Variants in MACROD2 observed in about 807,000 individuals in gnomAD.
The protein encoded by MACROD2 is mono-ADP ribosylhydrolase 2.
Under a neutral mutation model 70.4 loss-of-function variants are expected in MACROD2, and 36 were observed. The ratio of observed to expected loss-of-function variants is 0.51; its 90% CI spans 0.39 to 0.68. The LOEUF is 0.68. MACROD2 is among the 30% of genes least tolerant of loss of function. The pLI is 0.00. For missense variants in MACROD2, 496 were observed against 538.4 expected (o/e 0.92, Z 0.78); for synonymous variants, 172 against 178.8 (o/e 0.96, Z 0.30).
At chr20:15,988,756 G>A (rs181788365) in intron 15 of MACROD2, among the ~76,000 whole-genome samples, 1 of 152,234 alleles carries the variant, frequency 6.6e-6, no homozygotes, top group African/African-American at 2.4e-5. Context: ...ACTGTAAGAT[G>A]ACTAATGCTG....
At chr20:14,124,877 A>G (rs2054629033) in intron 3 of MACROD2, among the ~76,000 whole-genome samples, 2 of 152,188 alleles carry the variant, frequency 1.3e-5, no homozygotes, top group Non-Finnish European at 2.9e-5. Context: ...ATTTTTTGTC[A>G]TAGCCCAAAA....
At chr20:14,512,392 G>A (rs1272704418) in intron 4 of MACROD2, among the ~76,000 whole-genome samples, 2 of 152,084 alleles carry the variant, frequency 1.3e-5, no homozygotes, top group East Asian at 3.9e-4. Flanking sequence ...CCAAGGCTTG[G>A]GGGTGGAAGA....
intron 3 of MACROD2, among the ~76,000 whole-genome samples, chr20:14,162,333 C>T (rs1318774520): frequency 1.3e-5 from 2 of 152,162 alleles, no homozygotes; most frequent in Non-Finnish European, 2.9e-5. Flanking sequence ...ATGAGAAGAA[C>T]ATTTATTCTG....
At chr20:14,742,776 T>TTATTTTA (rs561034956) in intron 5 of MACROD2, among the ~76,000 whole-genome samples, 12 of 151,238 alleles carry the variant, frequency 7.9e-5, no homozygotes, top group Non-Finnish European at 2.9e-5. Flanking sequence ...TTATTTTATT[T>TTATTTTA]TTTTTTTTGA....
At chr20:15,389,918 G>A (rs963342423) in intron 6 of MACROD2, among the ~76,000 whole-genome samples, 5 of 152,040 alleles carry the variant, frequency 3.3e-5, no homozygotes, top group Admixed American at 2.6e-4. Context: ...GGTAAATAAT[G>A]GAAAAACAAT....
chr20:14,938,470 G>A lies in MACROD2; in HGVS notation c.418+253511G>A, dbSNP rs147610338. The stretch of plus-strand genomic sequence containing the variant: ...CATATTGAACATTTGAAAAGTGCTC[G>A]ATTGTGACCTTGAATAAAACCTAAA... On this transcript the variant is annotated intron_variant, in intron 5 of 17. Transcript: ENST00000684519. Among the ~76,000 whole-genome samples, 718 of 152,098 alleles carry A rather than the reference G, an allele frequency of 4.7e-3. 2 individuals carry two copies. Among genetic ancestry groups the A allele is most frequent in the Non-Finnish European group, 7.8e-3 (529 of 68,004 alleles).
intron 8 of MACROD2, among the ~76,000 whole-genome samples, chr20:15,638,550 T>TGGG (rs1405763561): frequency 6.6e-6 from 1 of 152,204 alleles, no homozygotes; most frequent in Non-Finnish European, 1.5e-5. Flanking sequence ...GCAGTGAACC[T>TGGG]CAGGACTGTG....
At chr20:14,225,832 T>G (rs141812598) in intron 3 of MACROD2, among the ~76,000 whole-genome samples, 142 of 152,324 alleles carry the variant, frequency 9.3e-4, no homozygotes, top group African/African-American at 3.3e-3. Context: ...TAGAATGTTT[T>G]TTCTAAAGAA....
chr20:14,160,819 A>G (rs1317410538), intron 3 of MACROD2, among the ~76,000 whole-genome samples: 1 of 151,600 alleles, frequency 6.6e-6, no homozygotes, highest in Non-Finnish European at 1.5e-5. Flanking sequence ...TATGTATTTG[A>G]AATCTTTATA....
intron 3 of MACROD2, among the ~76,000 whole-genome samples, chr20:14,410,035 G>A (rs999836922): frequency 6.6e-6 from 1 of 152,088 alleles, no homozygotes; most frequent in African/African-American, 2.4e-5. Flanking sequence ...CAGCTTGGAG[G>A]GAGAGAGGGA....
At chr20:14,694,224 A>G (rs2071095270) in intron 5 of MACROD2, among the ~76,000 whole-genome samples, 2 of 152,346 alleles carry the variant, frequency 1.3e-5, no homozygotes, top group Non-Finnish European at 1.5e-5. Context: ...CAGTTCTTAC[A>G]TATTTGTAAC....
chr20:14,454,728 TC>T (rs945449904), intron 3 of MACROD2, among the ~76,000 whole-genome samples: 27 of 151,516 alleles, frequency 1.8e-4, no homozygotes, highest in African/African-American at 6.5e-4. Flanking sequence ...TAATGGAGTT[TC>T]CTTTTTCTGT....
intron 8 of MACROD2, among the ~76,000 whole-genome samples, chr20:15,560,686 C>T (rs1366533976): frequency 8.8e-5 from 12 of 136,228 alleles, no homozygotes; most frequent in African/African-American, 3.3e-4. Flanking sequence ...TCACTTGAAT[C>T]TGGAAGGCAG....
At chr20:14,740,526 T>A (rs1455519603) in intron 5 of MACROD2, among the ~76,000 whole-genome samples, 1 of 152,184 alleles carries the variant, frequency 6.6e-6, no homozygotes, top group Non-Finnish European at 1.5e-5. Context: ...GTAATTTAAA[T>A]TAAACTATCT....
At chr20:15,351,913 T>C (rs2078231593) in intron 6 of MACROD2, among the ~76,000 whole-genome samples, 1 of 152,226 alleles carries the variant, frequency 6.6e-6, no homozygotes, top group Non-Finnish European at 1.5e-5. Flanking sequence ...AACATGTGGC[T>C]TCAGAACCCT....
chr20:14,208,755 TCTTAA>T (rs765757986), intron 3 of MACROD2, among the ~76,000 whole-genome samples: 7 of 152,022 alleles, frequency 4.6e-5, no homozygotes, highest in Non-Finnish European at 8.8e-5. Context: ...CTACCAAGAG[TCTTAA>T]CTTAAGCTGG....
At chr20:14,560,154 T>G (rs1046539614) in intron 4 of MACROD2, among the ~76,000 whole-genome samples, 6 of 151,794 alleles carry the variant, frequency 4.0e-5, no homozygotes, top group Non-Finnish European at 8.8e-5. Context: ...TTTTAAAGAA[T>G]TTTCTATAGA....
intron 3 of MACROD2, among the ~76,000 whole-genome samples, chr20:14,463,981 T>G (rs1028337970): frequency 6.6e-5 from 10 of 152,058 alleles, no homozygotes; most frequent in Non-Finnish European, 1.5e-4. Context: ...TCAAGGATAT[T>G]GGTCTAAAAT....
At chr20:14,771,994 G>A (rs1165531272) in intron 5 of MACROD2, among the ~76,000 whole-genome samples, 1 of 151,960 alleles carries the variant, frequency 6.6e-6, no homozygotes, top group Non-Finnish European at 1.5e-5. Context: ...ACTGTGTAAT[G>A]TCAAAGTTCA....
Sources: gnomAD v4.1 joint callset for allele counts (sites outside exome capture counted in the v4.1 genomes callset) on GRCh38, gnomAD v4.1.1 for gene constraint, MANE v1.5 for transcripts, NCBI Gene and HGNC (gene_info 2026-07-23, HGNC 2026-07-21) for gene names.